The following LRRC4B variants were observed in gnomAD, a reference collection of about 807,000 sequenced individuals.
LRRC4B encodes the protein leucine-rich repeat-containing protein 4B.
In LRRC4B, 1 loss-of-function variant was observed where a neutral mutation model predicts 7.3. That is an observed-to-expected ratio of 0.14 (90% CI 0.05 to 0.65). LRRC4B has a LOEUF of 0.65. Ranked by LOEUF, LRRC4B falls within the 30% of genes least tolerant of loss-of-function variation. The probability of loss-of-function intolerance (pLI) is 0.84; values close to 1 mark genes in which losing one functional copy is unlikely to be tolerated. For missense variants in LRRC4B, 730 were observed against 1,041.6 expected (o/e 0.70, Z 4.12); for synonymous variants, 500 against 499.2 (o/e 1.00, Z -0.02).
chr19:50,551,427 C>T (rs1014415825), intron 1 of LRRC4B, among the ~76,000 whole-genome samples: 4 of 151,150 alleles, frequency 2.6e-5, no homozygotes, highest in South Asian at 4.2e-4. Flanking sequence ...CTCCCCTCCC[C>T]GCTCGCCTCC....
chr19:50,527,157 C>A (rs1442531251), intron 2 of LRRC4B, among the ~76,000 whole-genome samples: 2 of 151,386 alleles, frequency 1.3e-5, no homozygotes. Flanking sequence ...CTCAGCCTCC[C>A]GAGTAGCTGG....
At chr19:50,557,964 G>A (rs1030914818) in intron 1 of LRRC4B, 3 of 152,036 alleles carry the variant, frequency 2.0e-5, no homozygotes, top group African/African-American at 7.2e-5. Flanking sequence ...CTCTTCCTTA[G>A]CATTTTCTCA....
At position 50,537,854 on chromosome 19, in the gene LRRC4B, T is replaced by A. The variant is rs2051259281; in HGVS notation, c.297+10688A>T. 6.6e-6 allele frequency among the ~76,000 whole-genome samples: 1 copy of A among 151,890 alleles called. No homozygotes were observed. Among genetic ancestry groups the A allele is most frequent in the African/African-American group, 2.4e-5 (1 of 41,362 alleles). ...AATGAAGAGGATAACTCAGCTGGAA[T>A]GAGAGCCAGGGAGGCCGCAGTTAGA... On this transcript the variant is annotated intron_variant, in intron 2 of 2. Coordinates refer to ENST00000652263, the MANE Select transcript of LRRC4B (RefSeq NM_001080457.2). The surrounding 1 kb of genome is among the most constrained non-coding windows in gnomAD (Gnocchi z 5.5).
intron 2 of LRRC4B, among the ~76,000 whole-genome samples, chr19:50,526,947 G>A (rs1053638237): frequency 2.0e-5 from 3 of 150,762 alleles, no homozygotes; most frequent in African/African-American, 7.3e-5. Flanking sequence ...TCTGGCTCCC[G>A]GGTTCATGCA....
At position 50,563,560 on chromosome 19, in the gene LRRC4B, G is replaced by A. The variant is rs1486924457; in HGVS notation, c.-36+4384C>T. On this transcript the variant is annotated intron_variant, in intron 1 of 2. Transcript: ENST00000652263. This position sits in a 1 kb window ranked among gnomAD's most constrained non-coding sequence, Gnocchi z 4.9. ...GGCCCTCCCTCCAGAAACAGCGTCC[G>A]CATCCCAGGTCCTCTAAGGCAGCCC... is the stretch of plus-strand genomic sequence containing the variant. Among the ~76,000 whole-genome samples the A allele has an allele frequency of 2.6e-5, 4 of 152,036 alleles. No individual in the cohort carries two copies. Among genetic ancestry groups the A allele is most frequent in the African/African-American group, 9.7e-5 (4 of 41,402 alleles).
chr19:50,551,276 C>T (rs1014702989), intron 1 of LRRC4B, among the ~76,000 whole-genome samples: 3 of 151,482 alleles, frequency 2.0e-5, no homozygotes, highest in Non-Finnish European at 4.4e-5. Flanking sequence ...CTCTGCCTCC[C>T]CAGTTCTCCA....
In LRRC4B at chr19:50,520,178, C is replaced by G. The variant is rs906615098; in HGVS notation, c.298-763G>C. Among the ~76,000 whole-genome samples the G allele has an allele frequency of 2.7e-5, 3 of 111,346 alleles. No individual in the cohort carries two copies. In the Admixed American group the frequency reaches 3.8e-4, roughly 14 times the overall value. The allele number at this position is 111,346 out of a possible 152,430, so 73.0% of individuals were successfully genotyped here. On this transcript the variant is annotated intron_variant, in intron 2 of 2. Transcript: ENST00000652263. ...CCCTGATCACGCCACTGCACTCCAG[C>G]CTGGGCAATGAAGTAATACCCTGTC...
chr19:50,543,201 T>C (rs1167707328), intron 2 of LRRC4B, among the ~76,000 whole-genome samples: 13 of 152,126 alleles, frequency 8.5e-5, no homozygotes, highest in Admixed American at 7.9e-4. Flanking sequence ...GCAGGGAACA[T>C]TGCAAAGTCC....
intron 2 of LRRC4B, among the ~76,000 whole-genome samples, chr19:50,545,150 G>A (rs1981744065): frequency 6.6e-6 from 1 of 151,038 alleles, no homozygotes; most frequent in Non-Finnish European, 1.5e-5. Context: ...GCTCACGCCT[G>A]TAATCCTGGC....
intron 2 of LRRC4B, among the ~76,000 whole-genome samples, chr19:50,526,378 A>G (rs1455163745): frequency 6.6e-6 from 1 of 152,028 alleles, no homozygotes; most frequent in African/African-American, 2.4e-5. Context: ...TTCCAGGGTC[A>G]CTTACACAGG....
At chr19:50,534,931 C>T (rs567020677) in intron 2 of LRRC4B, among the ~76,000 whole-genome samples, 7 of 151,878 alleles carry the variant, frequency 4.6e-5, no homozygotes, top group East Asian at 3.9e-4. Flanking sequence ...TGGAGTGCAG[C>T]GATCTCAGCT....
intron 2 of LRRC4B, among the ~76,000 whole-genome samples, chr19:50,542,287 C>G (rs145278634): frequency 6.6e-6 from 1 of 151,938 alleles, no homozygotes; most frequent in African/African-American, 2.4e-5. Context: ...CCCCAGGTCC[C>G]GAGGAGATGG....
intron 1 of LRRC4B, 92 bp downstream of exon 1, chr19:50,567,852 C>T (rs1435323600): frequency 2.2e-5 from 3 of 137,316 alleles, no homozygotes; most frequent in Admixed American, 7.2e-5. Flanking sequence ...CCTAAGACCA[C>T]TGTCCCCCAA....
At chr19:50,536,938 C>T (rs16985422) in intron 2 of LRRC4B, among the ~76,000 whole-genome samples, 3,206 of 152,144 alleles carry the variant, frequency 0.021, 55 homozygotes, top group Non-Finnish European at 0.033. Flanking sequence ...AGAAAGGTGT[C>T]CCCTAGGAGG....
chr19:50,541,737 A>G (rs1981558874), intron 2 of LRRC4B, among the ~76,000 whole-genome samples: 1 of 152,222 alleles, frequency 6.6e-6, no homozygotes, highest in Non-Finnish European at 1.5e-5. Flanking sequence ...ACTTTGTTAA[A>G]TTAAGTACAT....
At chr19:50,524,028 A>G (rs945203597) in intron 2 of LRRC4B, among the ~76,000 whole-genome samples, 2 of 151,918 alleles carry the variant, frequency 1.3e-5, no homozygotes, top group African/African-American at 2.4e-5. Flanking sequence ...GTTGGGAATT[A>G]TGGACAATTT....
intron 1 of LRRC4B, among the ~76,000 whole-genome samples, chr19:50,557,030 TGAGTGGACTGGAGCGGCGC>T (rs1405133551): frequency 2.0e-5 from 3 of 151,774 alleles, no homozygotes; most frequent in African/African-American, 7.3e-5. Context: ...AGGACCCCTC[TGAGTGGACTGGAGCGGCGC>T]GGCTGGAGGC....
rs1316279751 is a variant in LRRC4B at position 50,555,584 on chromosome 19, GC to G, written c.-35-6712del. 6.6e-6 allele frequency: 1 copy of G among 152,606 alleles called. No homozygotes were observed. The highest frequency in any genetic ancestry group is 1.9e-4 in the East Asian group (1 of 5,204). The allele number at this position is 152,606 out of a possible 1,614,324, so 9.5% of individuals were successfully genotyped here. A position where few individuals can be genotyped will look rare whatever the true frequency, so the allele number is the denominator to read the frequency against. On this transcript the variant is annotated intron_variant, in intron 1 of 2. Transcript: ENST00000652263. The surrounding 1 kb of genome is among the most constrained non-coding windows in gnomAD (Gnocchi z 5.2). ...GAAGGCAGAGGCTGGGAGGGCCCGGGCACTCGAGGCGTGAAGCTGAGTCCTC... is the reference window on the plus strand; with the variant it reads ...GAAGGCAGAGGCTGGGAGGGCCCGGGACTCGAGGCGTGAAGCTGAGTCCTC...
At chr19:50,531,028 G>A (rs907837545) in intron 2 of LRRC4B, among the ~76,000 whole-genome samples, 3 of 151,880 alleles carry the variant, frequency 2.0e-5, no homozygotes, top group Non-Finnish European at 2.9e-5. Context: ...GATTACAGGC[G>A]TGAGCCACCG....
Sources: allele counts gnomAD v4.1 joint callset (sites outside exome capture counted in the v4.1 genomes callset), GRCh38; gene constraint gnomAD v4.1.1; non-coding constraint Gnocchi (gnomAD v3.1); transcripts MANE v1.5; gene names NCBI Gene and HGNC (gene_info 2026-07-23, HGNC 2026-07-21).